The following PAPPA2 variants were observed in gnomAD, a reference collection of about 807,000 sequenced individuals.
PAPPA2 encodes pappalysin 2, also known as pappalysin-2.
A neutral mutation model predicts 176.4 loss-of-function variants in PAPPA2; 86 were observed. The ratio of observed to expected loss-of-function variants is 0.49; its 90% CI spans 0.41 to 0.58. PAPPA2 has a LOEUF of 0.58. Among genes scored for constraint, PAPPA2 ranks in the 20% least tolerant of loss-of-function variants. The pLI is 0.00. For synonymous variants in PAPPA2, 809 were observed against 852.2 expected (o/e 0.95, Z 0.88); for missense variants, 2,073 against 2,256.9 (o/e 0.92, Z 1.65).
At chr1:176,829,925 T>C (rs1667019423) in intron 21 of PAPPA2, among the ~76,000 whole-genome samples, 1 of 152,220 alleles carries the variant, frequency 6.6e-6, no homozygotes, top group African/African-American at 2.4e-5. Flanking sequence ...CTGCTCTCAA[T>C]TTCATTCATC....
At chr1:176,582,920 A>G (rs950119990) in intron 2 of PAPPA2, among the ~76,000 whole-genome samples, 1 of 152,186 alleles carries the variant, frequency 6.6e-6, no homozygotes, top group African/African-American at 2.4e-5. Flanking sequence ...TCACCAATTC[A>G]GTCTTGTTAC....
At chr1:176,527,948 G>A (rs754120446) in intron 1 of PAPPA2, among the ~76,000 whole-genome samples, 2 of 152,172 alleles carry the variant, frequency 1.3e-5, no homozygotes, top group Non-Finnish European at 2.9e-5. Flanking sequence ...TGCCAGGCAT[G>A]GCCAACTCAT....
At chr1:176,658,120 T>G (rs534390719) in intron 3 of PAPPA2, among the ~76,000 whole-genome samples, 1 of 152,168 alleles carries the variant, frequency 6.6e-6, no homozygotes, top group South Asian at 2.1e-4. Flanking sequence ...TAGGTACATA[T>G]GTATATACAT....
At chr1:176,760,103 G>A (rs189380095) in intron 14 of PAPPA2, among the ~76,000 whole-genome samples, 2 of 152,192 alleles carry the variant, frequency 1.3e-5, no homozygotes, top group South Asian at 2.1e-4. Context: ...AACTTTCCAG[G>A]ACATCTCTTG....
chr1:176,570,504 ATTGT>A (rs1321227476), intron 2 of PAPPA2, among the ~76,000 whole-genome samples: 1 of 152,198 alleles, frequency 6.6e-6, no homozygotes, highest in Non-Finnish European at 1.5e-5. Context: ...TATTTTAGAC[ATTGT>A]TTGTTTCAAG....
At chr1:176,487,907 A>G (rs2102489154) in intron 1 of PAPPA2, among the ~76,000 whole-genome samples, 1 of 152,314 alleles carries the variant, frequency 6.6e-6, no homozygotes, top group East Asian at 1.9e-4. Flanking sequence ...AGTTAAGAGG[A>G]CACTTCTAAT....
At chr1:176,690,931 A>C in intron 5 of PAPPA2, 1 of 950,656 alleles carries the variant, frequency 1.1e-6, no homozygotes, top group Non-Finnish European at 1.2e-6. Context: ...AAAAAAAAAA[A>C]TCAGATTCTC....
In PAPPA2 at chr1:176,638,939, C is replaced by T. The variant is rs201921172; in HGVS notation, c.1992-32031C>T. On this transcript the variant is annotated intron_variant, in intron 3 of 22. Coordinates refer to ENST00000367662, the MANE Select transcript of PAPPA2 (RefSeq NM_020318.3). Reference sequence around the variant, plus strand: ...GTGTGTGTGTGTGCATGTGCATGTGCGTGTGTGTGTGTGTGTGTGTGTGTG... The same window carrying T: ...GTGTGTGTGTGTGCATGTGCATGTGTGTGTGTGTGTGTGTGTGTGTGTGTG... Among the ~76,000 whole-genome samples the T allele has an allele frequency of 5.0e-4, 71 of 143,126 alleles. No individual in the cohort carries two copies. The Middle Eastern group carries it at 0.011, about 21-fold the overall frequency. The allele number at this position is 143,126 out of a possible 152,430, so 93.9% of individuals were successfully genotyped here.
chr1:176,515,983 G>A (rs1386374552), intron 1 of PAPPA2, among the ~76,000 whole-genome samples: 2 of 152,178 alleles, frequency 1.3e-5, no homozygotes, highest in Non-Finnish European at 2.9e-5. Flanking sequence ...TTATGGATGA[G>A]ACTAAAAGTG....
intron 3 of PAPPA2, among the ~76,000 whole-genome samples, chr1:176,641,985 G>C (rs890904549): frequency 6.6e-6 from 1 of 151,884 alleles, no homozygotes; most frequent in Non-Finnish European, 1.5e-5. Flanking sequence ...CCATAATCCA[G>C]TTACTACTTA....
chr1:176,808,240 G>A (rs1438027654), intron 21 of PAPPA2, among the ~76,000 whole-genome samples: 2 of 152,094 alleles, frequency 1.3e-5, no homozygotes, highest in Non-Finnish European at 1.5e-5. Flanking sequence ...ATTCTTTTAT[G>A]TCAAGTCAGG....
intron 1 of PAPPA2, among the ~76,000 whole-genome samples, chr1:176,541,768 C>G (rs970650733): frequency 2.0e-5 from 3 of 152,122 alleles, no homozygotes; most frequent in Admixed American, 1.3e-4. Flanking sequence ...GGAAGCTTGC[C>G]TTTTGATTTG....
intron 14 of PAPPA2, among the ~76,000 whole-genome samples, chr1:176,764,077 G>A (rs1218620385): frequency 1.3e-5 from 2 of 152,078 alleles, no homozygotes; most frequent in African/African-American, 4.8e-5. Flanking sequence ...CACTCTCATG[G>A]GAACTAACCT....
At chr1:176,586,366 C>CAT (rs1653308920) in intron 2 of PAPPA2, among the ~76,000 whole-genome samples, 1 of 152,020 alleles carries the variant, frequency 6.6e-6, no homozygotes, top group Admixed American at 6.6e-5. Context: ...GCAGAATGTG[C>CAT]AGGTTTGTTA....
chr1:176,805,539 C>T (rs866763675), intron 21 of PAPPA2, among the ~76,000 whole-genome samples: 2 of 152,200 alleles, frequency 1.3e-5, no homozygotes, highest in African/African-American at 4.8e-5. Context: ...ACCTGTCAGG[C>T]TTTCTCTTAG....
chr1:176,709,011 T>G (rs1024449488), intron 10 of PAPPA2, among the ~76,000 whole-genome samples: 1 of 152,194 alleles, frequency 6.6e-6, no homozygotes, highest in Non-Finnish European at 1.5e-5. Context: ...AGAACTTAAA[T>G]GGCTTTGTAG....
At chr1:176,624,828 G>C (rs992348295) in intron 3 of PAPPA2, among the ~76,000 whole-genome samples, 6 of 152,198 alleles carry the variant, frequency 3.9e-5, no homozygotes, top group African/African-American at 1.4e-4. Context: ...GGAGAAAGGT[G>C]AAGAGAAAGA....
intron 2 of PAPPA2, among the ~76,000 whole-genome samples, chr1:176,590,674 T>G (rs114869756): frequency 0.022 from 3,325 of 152,276 alleles, 72 homozygotes; most frequent in African/African-American, 0.06. Flanking sequence ...ATTTCTCAGG[T>G]AACACTTTCA....
At chr1:176,566,368 G>C (rs1441626951) in intron 2 of PAPPA2, among the ~76,000 whole-genome samples, 1 of 152,178 alleles carries the variant, frequency 6.6e-6, no homozygotes, top group East Asian at 1.9e-4. Context: ...CAGCTTCAGT[G>C]CCTGGCACCT....
Sources: allele counts gnomAD v4.1 joint callset (sites outside exome capture counted in the v4.1 genomes callset), GRCh38; gene constraint gnomAD v4.1.1; transcripts MANE v1.5; gene names NCBI Gene and HGNC (gene_info 2026-07-23, HGNC 2026-07-21).